PCDHGB1: variants seen among roughly 807,000 people sequenced by gnomAD.
PCDHGB1 encodes protocadherin gamma-B1.
In PCDHGB1, 34 loss-of-function variants were observed where a neutral mutation model predicts 56.6. The observed-to-expected ratio is 0.60, with a 90% CI of 0.46 to 0.80. The LOEUF is 0.80. Among genes scored for constraint, PCDHGB1 ranks in the 30% least tolerant of loss-of-function variants. PCDHGB1 has a pLI of 0.00. For synonymous variants in PCDHGB1, 561 were observed against 505.9 expected, an observed-to-expected ratio of 1.11 and a Z score of -1.46; for missense variants, 1,278 against 1,204.6, an observed-to-expected ratio of 1.06 and a Z score of -0.90.
Position 141,383,013 on chromosome 5 carries a change from G to A in PCDHGB1, c.2409+30344G>A, listed in dbSNP as rs1209966350. Reference sequence around the variant, plus strand: ...GTATTCTCTACTCCGTGTCGGAGGAGACGGACAAAGGGTCCTTTGTGGGAG... The same window carrying A: ...GTATTCTCTACTCCGTGTCGGAGGAAACGGACAAAGGGTCCTTTGTGGGAG... On this transcript the variant is annotated intron_variant, in intron 1 of 3. Coordinates refer to ENST00000523390, the MANE Select transcript of PCDHGB1 (RefSeq NM_018922.3). 6 of 1,613,828 alleles carry A rather than the reference G, an allele frequency of 3.7e-6. No individual in the cohort carries two copies. The East Asian group carries it at 6.7e-5, about 18-fold the overall frequency.
chr5:141,439,065 C>T (rs571768018), intron 1 of PCDHGB1, among the ~76,000 whole-genome samples: 13 of 151,628 alleles, frequency 8.6e-5, no homozygotes, highest in East Asian at 7.9e-4. Flanking sequence ...GTGTGGCAGG[C>T]GCCTGTAATC....
At chr5:141,361,156 A>C in intron 1 of PCDHGB1, 1 of 1,613,960 alleles carries the variant, frequency 6.2e-7, no homozygotes. Flanking sequence ...TCTTGATGAC[A>C]ACGATTGTGC....
At chr5:141,398,362 G>T (rs1422597239) in intron 1 of PCDHGB1, 5 of 1,413,346 alleles carry the variant, frequency 3.5e-6, no homozygotes, top group Admixed American at 1.9e-5. Context: ...CACCGTGAGC[G>T]CAGAGAGCGG....
At position 141,431,245 on chromosome 5, in the gene PCDHGB1, C is replaced by A. The variant is rs761126985; in HGVS notation, c.2410-63562C>A. The A allele has an allele frequency of 5.0e-6, 8 of 1,614,016 alleles. No individual in the cohort carries two copies. In the Admixed American group the frequency reaches 1.2e-4, roughly 24 times the overall value. On this transcript the variant is annotated intron_variant, in intron 1 of 3. Coordinates refer to ENST00000523390, the MANE Select transcript of PCDHGB1 (RefSeq NM_018922.3). This position sits in a 1 kb window ranked among gnomAD's most constrained non-coding sequence, Gnocchi z 4.8. ...TACCCCACGCCTGGGATCCGGATAT[C>A]GGGAAGAACTCTCTGCAGAGCTACG... is the stretch of plus-strand genomic sequence containing the variant.
Position 141,450,631 on chromosome 5 carries a change from T to C in PCDHGB1, c.2410-44176T>C, listed in dbSNP as rs554043866. 6.1e-5 allele frequency among the ~76,000 whole-genome samples: 9 copies of C among 148,320 alleles called. No homozygotes were observed. In the East Asian group the frequency reaches 1.9e-3, roughly 31 times the overall value. Reference sequence around the variant, plus strand: ...CCTCCTGAGTAGCTGGGATTACAGATGCCTGCCACCATGCCTGGCTAATTT... The same window carrying C: ...CCTCCTGAGTAGCTGGGATTACAGACGCCTGCCACCATGCCTGGCTAATTT... On this transcript the variant is annotated intron_variant, in intron 1 of 3. Transcript: ENST00000523390.
intron 1 of PCDHGB1, chr5:141,399,589 A>T: frequency 6.2e-7 from 1 of 1,613,984 alleles, no homozygotes; most frequent in Non-Finnish European, 8.5e-7. Context: ...CTACTCTATC[A>T]TGGCCAGCGA....
intron 1 of PCDHGB1, among the ~76,000 whole-genome samples, chr5:141,434,248 G>A (rs1347428778): frequency 2.0e-5 from 3 of 152,188 alleles, no homozygotes; most frequent in Non-Finnish European, 2.9e-5. Flanking sequence ...GATGACTTGG[G>A]CATTGTGGGG....
chr5:141,496,251 G>A (rs746722054), intron 2 of PCDHGB1, among the ~76,000 whole-genome samples: 7 of 152,150 alleles, frequency 4.6e-5, no homozygotes, highest in African/African-American at 7.2e-5. Context: ...TGAAGGGGAG[G>A]GAAACTTCAG....
At chr5:141,402,469 A>G (rs2094270515) in intron 1 of PCDHGB1, among the ~76,000 whole-genome samples, 1 of 152,224 alleles carries the variant, frequency 6.6e-6, no homozygotes. Context: ...ATCTAGAAAT[A>G]GAGTGCAAAG....
At chr5:141,405,049 C>A in intron 1 of PCDHGB1, 2 of 1,613,936 alleles carry the variant, frequency 1.2e-6, no homozygotes, top group South Asian at 2.2e-5. Flanking sequence ...CTGTGGCAGT[C>A]GTCTCCTGTG....
At position 141,355,337 on chromosome 5, in the gene PCDHGB1, G is replaced by A. The variant is rs368596451; in HGVS notation, c.2409+2668G>A. 5.6e-6 allele frequency: 9 copies of A among 1,613,898 alleles called. No homozygotes were observed. The African/African-American group carries it at 1.1e-4, about 19-fold the overall frequency. ...GAGCAGGAAGAAGGCTCAGTGGTGG[G>A]CAACATCGCCAAGGACCTGGGGTTG... On this transcript the variant is annotated intron_variant, in intron 1 of 3. Transcript: ENST00000523390.
At chr5:141,495,193 T>G (rs1471524188) in intron 2 of PCDHGB1, among the ~76,000 whole-genome samples, 2 of 152,192 alleles carry the variant, frequency 1.3e-5, no homozygotes, top group Non-Finnish European at 2.9e-5. Flanking sequence ...TCTATGCCCA[T>G]GTACTGCCTA....
Position 141,508,665 on chromosome 5 carries a change from C to T in PCDHGB1, c.2558-2282C>T, listed in dbSNP as rs181641281. ...CGTCAGGCCCTTCCTGTCATTCTGT[C>T]TCTGCCTCCCTTCTCCCTGCTTCTC... On this transcript the variant is annotated intron_variant, in intron 3 of 3. Coordinates refer to ENST00000523390, the MANE Select transcript of PCDHGB1 (RefSeq NM_018922.3). Among the ~76,000 whole-genome samples the T allele has an allele frequency of 3.7e-3, 564 of 152,254 alleles. 5 individuals carry two copies. Among genetic ancestry groups the T allele is most frequent in the Admixed American group, 0.011 (164 of 15,296 alleles).
At chr5:141,430,888 T>C (rs1447560622) in intron 1 of PCDHGB1, 5 of 1,605,402 alleles carry the variant, frequency 3.1e-6, no homozygotes, top group Admixed American at 1.7e-5. Context: ...AGAAAGGCTC[T>C]AGGGTGGGCG....
intron 1 of PCDHGB1, chr5:141,403,193 A>G (rs1291009856): frequency 1.9e-6 from 3 of 1,613,986 alleles, no homozygotes; most frequent in South Asian, 2.2e-5. Context: ...GAACCCGCGC[A>G]GCGGCACCTT....
At chr5:141,360,937 G>C (rs1430087223) in intron 1 of PCDHGB1, 2 of 1,613,962 alleles carry the variant, frequency 1.2e-6, no homozygotes, top group Admixed American at 1.7e-5. Context: ...GACAGCCACC[G>C]ACCGGGATGA....
chr5:141,400,067 A>G lies in PCDHGB1; in HGVS notation c.2409+47398A>G, dbSNP rs761746196. On this transcript the variant is annotated intron_variant, in intron 1 of 3. Coordinates refer to ENST00000523390, the MANE Select transcript of PCDHGB1 (RefSeq NM_018922.3). ...CTGGTTGCTGTGCGTGATGGTGGAC[A>G]GCCGCCACTCTCCGCCACCGCCACG... is the stretch of plus-strand genomic sequence containing the variant. 1.3e-5 allele frequency: 21 copies of G among 1,613,654 alleles called. No individual in the cohort carries two copies. The highest frequency in any genetic ancestry group is 1.7e-4 in the Middle Eastern group (1 of 5,998).
At chr5:141,403,188 C>G (rs763950254) in intron 1 of PCDHGB1, 6 of 1,613,968 alleles carry the variant, frequency 3.7e-6, no homozygotes, top group Non-Finnish European at 4.2e-6. Context: ...TCTCTGAACC[C>G]GCGCAGCGGC....
At chr5:141,362,406 C>T in intron 1 of PCDHGB1, 1 of 1,614,032 alleles carries the variant, frequency 6.2e-7, no homozygotes, top group South Asian at 1.1e-5. Context: ...TGTGTGTTGC[C>T]TCACAATCAG....
Sources: gnomAD v4.1 joint callset for allele counts (sites outside exome capture counted in the v4.1 genomes callset) on GRCh38, gnomAD v4.1.1 for gene constraint, Gnocchi (gnomAD v3.1) non-coding constraint, MANE v1.5 for transcripts, NCBI Gene and HGNC (gene_info 2026-07-23, HGNC 2026-07-21) for gene names.